Variants in AP2B1 observed in about 807,000 individuals in gnomAD.
The protein encoded by AP2B1 is AP-2 complex subunit beta.
A neutral mutation model predicts 102.0 loss-of-function variants in AP2B1; 23 were observed. That is an observed-to-expected ratio of 0.23 (90% CI 0.16 to 0.32). The LOEUF (loss-of-function observed/expected upper bound fraction) is 0.32, where lower values mean the gene tolerates loss of function less well. AP2B1 is among the 10% of genes least tolerant of loss of function. AP2B1 has a pLI of 1.00. For missense variants in AP2B1, 541 were observed against 1,157.4 expected (o/e 0.47, Z 7.73); for synonymous variants, 381 against 421.2 (o/e 0.90, Z 1.17).
chr17:35,692,413 G>T (rs1324072981), intron 18 of AP2B1, among the ~76,000 whole-genome samples: 3 of 152,158 alleles, frequency 2.0e-5, no homozygotes, highest in Non-Finnish European at 2.9e-5. Flanking sequence ...TTTAATAAAT[G>T]ATTAGAAATA....
chr17:35,616,467 CA>C (rs1363277541), intron 5 of AP2B1, among the ~76,000 whole-genome samples: 3 of 152,052 alleles, frequency 2.0e-5, no homozygotes, highest in Non-Finnish European at 4.4e-5. Flanking sequence ...CGCGCCCTGC[CA>C]AAATACCTCA....
intron 5 of AP2B1, among the ~76,000 whole-genome samples, chr17:35,611,221 G>C (rs1285127592): frequency 1.3e-5 from 2 of 152,194 alleles, no homozygotes; most frequent in Non-Finnish European, 2.9e-5. Flanking sequence ...GAGGACAGAT[G>C]AGATGAAAAG....
At chr17:35,600,161 A>C (rs957732996) in intron 3 of AP2B1, among the ~76,000 whole-genome samples, 7 of 152,008 alleles carry the variant, frequency 4.6e-5, no homozygotes, top group Non-Finnish European at 7.4e-5. Flanking sequence ...GGCTCACTGC[A>C]ACCTCCGCCT....
At chr17:35,682,877 A>G in intron 18 of AP2B1, 53 bp downstream of exon 18, 2 of 1,471,534 alleles carry the variant, frequency 1.4e-6, no homozygotes, top group Non-Finnish European at 9.2e-7. Flanking sequence ...GACAATTATT[A>G]TTATTATTAT....
At chr17:35,712,236 AG>A (rs1435523767) in intron 20 of AP2B1, among the ~76,000 whole-genome samples, 8 of 152,146 alleles carry the variant, frequency 5.3e-5, no homozygotes, top group African/African-American at 1.9e-4. Flanking sequence ...GTACCCAGCT[AG>A]GAAGAGACCA....
chr17:35,629,455 A>G (rs1336780369), intron 9 of AP2B1, among the ~76,000 whole-genome samples: 5 of 151,316 alleles, frequency 3.3e-5, no homozygotes, highest in Non-Finnish European at 5.9e-5. Context: ...CAGCCTCCCT[A>G]TTTCTTGTTA....
At chr17:35,635,104 T>G (rs1055029823) in intron 9 of AP2B1, among the ~76,000 whole-genome samples, 2 of 152,350 alleles carry the variant, frequency 1.3e-5, no homozygotes, top group African/African-American at 2.4e-5. Flanking sequence ...CAGGCTGTAG[T>G]GCAGTGGCAC....
chr17:35,694,114 G>A (rs968416375), intron 18 of AP2B1, among the ~76,000 whole-genome samples: 2 of 152,148 alleles, frequency 1.3e-5, no homozygotes, highest in African/African-American at 4.8e-5. Flanking sequence ...ACTGAAGTTT[G>A]TTCTTTTATT....
In AP2B1 at chr17:35,631,399, G is replaced by A. The variant is rs201804229; in HGVS notation, c.1155+3673G>A. On this transcript the variant is annotated intron_variant, in intron 9 of 21. Coordinates refer to ENST00000610402, the MANE Select transcript of AP2B1 (RefSeq NM_001030006.2). ...AGTTAAACAAAAAATGGGGTACCCC[G>A]CTTTCCCCATCTTCTGTTTCACTCT... 9.9e-5 allele frequency among the ~76,000 whole-genome samples: 15 copies of A among 152,160 alleles called. No individual in the cohort carries two copies. The East Asian group carries it at 1.7e-3, about 18-fold the overall frequency.
At chr17:35,626,466 G>A (rs903808165) in intron 6 of AP2B1, among the ~76,000 whole-genome samples, 155 bp from the exon 7 acceptor site, 3 of 151,906 alleles carry the variant, frequency 2.0e-5, no homozygotes, top group Non-Finnish European at 4.4e-5. Context: ...TGCATTGTTG[G>A]ATCCCAATTT....
intron 18 of AP2B1, among the ~76,000 whole-genome samples, chr17:35,698,706 C>G (rs898557032): frequency 6.6e-6 from 1 of 152,170 alleles, no homozygotes; most frequent in Non-Finnish European, 1.5e-5. Context: ...GTGACCTACT[C>G]ACCCTTTTTC....
At chr17:35,692,251 C>A (rs1206768993) in intron 18 of AP2B1, among the ~76,000 whole-genome samples, 2 of 152,116 alleles carry the variant, frequency 1.3e-5, no homozygotes, top group Admixed American at 6.5e-5. Flanking sequence ...TGCTGATATC[C>A]TGAGAAAGGA....
At chr17:35,709,862 G>A (rs781799795) in intron 19 of AP2B1, among the ~76,000 whole-genome samples, 1 of 152,082 alleles carries the variant, frequency 6.6e-6, no homozygotes, top group African/African-American at 2.4e-5. Context: ...TTATATTGGT[G>A]CATATTAAAC....
At chr17:35,707,728 C>T (rs1303458080) in intron 18 of AP2B1, among the ~76,000 whole-genome samples, 1 of 152,234 alleles carries the variant, frequency 6.6e-6, no homozygotes, top group African/African-American at 2.4e-5. Context: ...GCTGGGATTA[C>T]AGGCGTGAGC....
rs147977281 is a variant in AP2B1 at position 35,672,490 on chromosome 17, G to A, written c.2178+590G>A. 2.3e-3 allele frequency among the ~76,000 whole-genome samples: 344 copies of A among 152,272 alleles called. 1 individual carries two copies. The highest frequency in any genetic ancestry group is 7.9e-3 in the African/African-American group (330 of 41,540). ...AAAAGCACCATCCAGGCTAGGCCAG[G>A]CTTCATACAGTCTTACCTTTCTGAG... On this transcript the variant is annotated intron_variant, in intron 16 of 21. Coordinates refer to ENST00000610402, the MANE Select transcript of AP2B1 (RefSeq NM_001030006.2).
At chr17:35,646,627 C>T (rs2074941060) in intron 12 of AP2B1, among the ~76,000 whole-genome samples, 7 of 149,634 alleles carry the variant, frequency 4.7e-5, no homozygotes, top group Admixed American at 3.3e-4. Flanking sequence ...ACTCTGTTAC[C>T]CAGGCTGGAG....
intron 14 of AP2B1, among the ~76,000 whole-genome samples, chr17:35,667,028 C>A (rs1463061386): frequency 6.6e-6 from 1 of 152,204 alleles, no homozygotes; most frequent in Non-Finnish European, 1.5e-5. Context: ...GGCTGATATA[C>A]AACAACTTTC....
chr17:35,696,775 T>G (rs1017385567), intron 18 of AP2B1, among the ~76,000 whole-genome samples: 3 of 152,174 alleles, frequency 2.0e-5, no homozygotes, highest in African/African-American at 7.2e-5. Flanking sequence ...AGCATTTCAT[T>G]ATATTTTAAT....
At position 35,627,690 on chromosome 17, in the gene AP2B1, T is replaced by C; in HGVS notation, c.1119T>C (p.Ala373=). ...TGGATGTTGACTTTGTTCGAAAAGCTGTGCGGGCCATTGGACGGTGTGCCA... is the reference window on the plus strand; with the variant it reads ...TGGATGTTGACTTTGTTCGAAAAGCCGTGCGGGCCATTGGACGGTGTGCCA... ...TEVDVDFVRK[A]VRAIGRCAIK... The change falls in exon 9 of 22, where the codon GCT becomes GCC. Residue 373 remains alanine, a synonymous_variant. Transcript: ENST00000610402. 1 of 1,614,162 alleles carries C rather than the reference T, an allele frequency of 6.2e-7. No homozygotes were observed. Among genetic ancestry groups the C allele is most frequent in the Non-Finnish European group, 8.5e-7 (1 of 1,180,008 alleles).
Sources: gnomAD v4.1 joint callset for allele counts (sites outside exome capture counted in the v4.1 genomes callset) on GRCh38, gnomAD v4.1.1 for gene constraint, MANE v1.5 for transcripts, NCBI Gene and HGNC (gene_info 2026-07-23, HGNC 2026-07-21) for gene names.